OTOGL: variants seen among roughly 807,000 people sequenced by gnomAD.
OTOGL encodes the protein otogelin like, also known as otogelin-like protein.
A neutral mutation model predicts 318.5 loss-of-function variants in OTOGL; 285 were observed. That is an observed-to-expected ratio of 0.89 (90% CI 0.81 to 0.99). The LOEUF (loss-of-function observed/expected upper bound fraction) is 0.99, where lower values mean the gene tolerates loss of function less well. Among genes scored for constraint, OTOGL ranks in the 50% least tolerant of loss-of-function variants. The pLI is 0.00. For missense variants in OTOGL, 2,899 were observed against 2,845.6 expected (o/e 1.02, Z -0.43); for synonymous variants, 987 against 936.5 (o/e 1.05, Z -0.99).
chr12:80,356,982 G>C, intron 49 of OTOGL, 68 bp downstream of exon 49: 1 of 1,006,970 alleles, frequency 9.9e-7, no homozygotes, highest in Admixed American at 3.2e-5. Context: ...CTTATTTGAT[G>C]TGAATTTTAT....
At chr12:80,175,479 C>G (rs1874466352) in intron 1 of OTOGL, among the ~76,000 whole-genome samples, 2 of 152,274 alleles carry the variant, frequency 1.3e-5, no homozygotes, top group South Asian at 2.1e-4. Flanking sequence ...TTGCCTTGCT[C>G]TATGAGAAAA....
At chr12:80,137,415 C>T (rs1158716553) in intron 1 of OTOGL, among the ~76,000 whole-genome samples, 1 of 152,026 alleles carries the variant, frequency 6.6e-6, no homozygotes, top group Non-Finnish European at 1.5e-5. Flanking sequence ...TCACTTTAAC[C>T]TGCCTAGACA....
intron 1 of OTOGL, among the ~76,000 whole-genome samples, chr12:80,152,474 A>G (rs760529381): frequency 6.6e-6 from 1 of 152,172 alleles, no homozygotes; most frequent in Non-Finnish European, 1.5e-5. Context: ...GAAGCATGGT[A>G]TGTTATAAAC....
chr12:80,117,662 A>G (rs991600711), intron 1 of OTOGL, among the ~76,000 whole-genome samples: 1 of 152,178 alleles, frequency 6.6e-6, no homozygotes, highest in Non-Finnish European at 1.5e-5. Flanking sequence ...AGTCCATTAA[A>G]TTAAATCCAA....
At position 80,305,712 on chromosome 12, in the gene OTOGL, T is replaced by C. The variant is rs756867107; in HGVS notation, c.3333+17T>C. On this transcript the variant is annotated intron_variant, in intron 29 of 58. Transcript: ENST00000547103. ...TTAGGACAGGTAAGTTACATAAATG[T>C]ATTTTAGAAGTCAACAAAAATTTTT... The C allele has an allele frequency of 6.7e-7, 1 of 1,496,242 alleles. No homozygotes were observed. The highest frequency in any genetic ancestry group is 2.4e-5 in the East Asian group (1 of 42,180). 92.7% of individuals were successfully genotyped at this position (1,496,242 alleles called of 1,614,324 possible). A position where few individuals can be genotyped will look rare whatever the true frequency, so the allele number is the denominator to read the frequency against.
intron 7 of OTOGL, among the ~76,000 whole-genome samples, chr12:80,224,240 G>C (rs1878618226): frequency 6.6e-6 from 1 of 151,936 alleles, no homozygotes; most frequent in African/African-American, 2.4e-5. Context: ...TTGGCTGTAA[G>C]CATCTGGCTT....
intron 11 of OTOGL, among the ~76,000 whole-genome samples, chr12:80,240,467 A>T (rs1880278526): frequency 6.6e-6 from 1 of 152,158 alleles, no homozygotes; most frequent in Non-Finnish European, 1.5e-5. Flanking sequence ...CAAAATAATT[A>T]AAAAATGAAT....
intron 19 of OTOGL, among the ~76,000 whole-genome samples, chr12:80,262,565 G>C (rs933492700): frequency 2.0e-5 from 3 of 152,078 alleles, no homozygotes; most frequent in African/African-American, 4.8e-5. Context: ...GTGATCCAAA[G>C]AGGCTTTGTG....
chr12:80,137,017 GTCA>G (rs1871620131), intron 1 of OTOGL, among the ~76,000 whole-genome samples: 2 of 151,942 alleles, frequency 1.3e-5, no homozygotes, highest in Non-Finnish European at 2.9e-5. Context: ...AATGCTGTCA[GTCA>G]CAGAAAAAAA....
chr12:80,117,256 G>T (rs879922296), intron 1 of OTOGL, among the ~76,000 whole-genome samples: 1 of 86,710 alleles, frequency 1.2e-5, no homozygotes, highest in Non-Finnish European at 2.4e-5. Context: ...ATCTCTGGGT[G>T]ACTTAAAAAA....
intron 27 of OTOGL, among the ~76,000 whole-genome samples, chr12:80,298,373 C>G (rs1885549646): frequency 6.6e-6 from 1 of 152,178 alleles, no homozygotes. Context: ...CCTGCTTGCT[C>G]TGTAACTTTG....
In OTOGL at chr12:80,295,157, C is replaced by CTTTTTTTTTTTTTTT. The variant is rs66786755; in HGVS notation, c.2929-1655_2929-1641dup. 3.0e-5 allele frequency among the ~76,000 whole-genome samples: 3 copies of CTTTTTTTTTTTTTTT among 98,938 alleles called. 1 individual carries two copies. The highest frequency in any genetic ancestry group is 9.7e-5 in the African/African-American group (2 of 20,610). The allele number at this position is 98,938 out of a possible 152,430, so 64.9% of individuals were successfully genotyped here. ...AAACACAAACTGTATGATTGCCGAA[C>CTTTTTTTTTTTTTTT]TTTTTTTTTTTTTTTTTTTTTTTTT... is the stretch of plus-strand genomic sequence containing the variant. On this transcript the variant is annotated intron_variant, in intron 26 of 58. Coordinates refer to ENST00000547103, the MANE Select transcript of OTOGL (RefSeq NM_001378609.3).
chr12:80,275,073 G>C (rs1298691401), intron 24 of OTOGL, among the ~76,000 whole-genome samples: 1 of 151,916 alleles, frequency 6.6e-6, no homozygotes, highest in Non-Finnish European at 1.5e-5. Context: ...TGATCAAGTA[G>C]TAATTTCAAC....
At chr12:80,262,878 T>A (rs957103855) in intron 19 of OTOGL, among the ~76,000 whole-genome samples, 2 of 152,178 alleles carry the variant, frequency 1.3e-5, no homozygotes, top group African/African-American at 2.4e-5. Flanking sequence ...CCTTTAATCA[T>A]CTTGGCTAGT....
chr12:80,219,756 A>T (rs968934344), intron 5 of OTOGL, 58 bp from the exon 6 acceptor site: 2 of 1,088,488 alleles, frequency 1.8e-6, no homozygotes, highest in Middle Eastern at 2.0e-4. Context: ...TTGACATATT[A>T]TGCTTAAAAG....
chr12:80,196,720 C>T (rs1592536470), intron 1 of OTOGL, among the ~76,000 whole-genome samples: 1 of 152,198 alleles, frequency 6.6e-6, no homozygotes, highest in Non-Finnish European at 1.5e-5. Flanking sequence ...CTGATATCTG[C>T]AGCTGCTGAT....
Position 80,229,349 on chromosome 12 carries a change from T to C in OTOGL, c.582T>C (p.Tyr194=). ...FFSNQEEIRI[Y]GHEIKKNGIS... ...CAAACCAAGAGGAAATTCGAATTTA[T>C]GGTCATGAAATAAAAAAGAATGGAA... Residue 194 remains tyrosine (Y), a synonymous_variant, in exon 8 of 59, where the codon TAT becomes TAC. Transcript: ENST00000547103. The C allele has an allele frequency of 1.3e-6, 2 of 1,595,638 alleles. No homozygotes were observed. Among genetic ancestry groups the C allele is most frequent in the Non-Finnish European group, 1.7e-6 (2 of 1,176,428 alleles).
chr12:80,308,931 C>T (rs1008487914), intron 29 of OTOGL, among the ~76,000 whole-genome samples: 12 of 151,970 alleles, frequency 7.9e-5, no homozygotes, highest in African/African-American at 1.9e-4. Context: ...CGTCCAGCTT[C>T]GGCTCGGCAT....
rs551403045 is a variant in OTOGL, at chr12:80,379,888, G to A, written c.*1840G>A. 1.3e-5 allele frequency: 2 copies of A among 151,942 alleles called. No homozygotes were observed. The highest frequency in any genetic ancestry group is 6.6e-5 in the Admixed American group (1 of 15,246). 9.4% of individuals were successfully genotyped at this position (151,942 alleles called of 1,614,324 possible). A position where few individuals can be genotyped will look rare whatever the true frequency, so the allele number is the denominator to read the frequency against. On this transcript the variant is annotated 3_prime_UTR_variant, in exon 59 of 59. Coordinates refer to ENST00000547103, the MANE Select transcript of OTOGL (RefSeq NM_001378609.3). ...ACACAGGCAAAACTAAACAGACACA[G>A]TCCTAACTCCCTTAATTCTTAGAGT...
Sources: allele counts gnomAD v4.1 joint callset (sites outside exome capture counted in the v4.1 genomes callset), GRCh38; gene constraint gnomAD v4.1.1; transcripts MANE v1.5; gene names NCBI Gene and HGNC (gene_info 2026-07-23, HGNC 2026-07-21).